TTC7A: variants seen among roughly 807,000 people sequenced by gnomAD.
TTC7A encodes the protein tetratricopeptide repeat domain 7A.
A neutral mutation model predicts 103.7 loss-of-function variants in TTC7A; 110 were observed. The observed-to-expected ratio is 1.06, with a 90% CI of 0.91 to 1.24. The LOEUF is 1.24. TTC7A is among the 50% of genes most tolerant of loss of function. TTC7A has a pLI of 0.00. For missense variants in TTC7A, 1,340 were observed against 1,116.3 expected (o/e 1.20, Z -2.86); for synonymous variants, 521 against 467.9 (o/e 1.11, Z -1.47).
chr2:47,056,956 A>G (rs780554950), intron 18 of TTC7A, among the ~76,000 whole-genome samples: 37 of 152,140 alleles, frequency 2.4e-4, no homozygotes, highest in Non-Finnish European at 4.4e-4. Context: ...TCGACAATGA[A>G]AATTCAAGGA....
intron 17 of TTC7A, 90 bp downstream of exon 17, chr2:47,050,136 C>T (rs1467808997): frequency 8.8e-6 from 10 of 1,138,612 alleles, no homozygotes; most frequent in Non-Finnish European, 1.2e-5. Flanking sequence ...GGGCCGGGCC[C>T]TCTCCCAGCC....
chr2:47,020,633 G>A (rs60879804), intron 11 of TTC7A, among the ~76,000 whole-genome samples: 2,908 of 152,368 alleles, frequency 0.019, 87 homozygotes, highest in African/African-American at 0.064. Flanking sequence ...TGGGCAGACA[G>A]CCTCTCCCGC....
chr2:47,029,459 C>CT, intron 15 of TTC7A, 75 bp downstream of exon 15: 1 of 1,519,512 alleles, frequency 6.6e-7, no homozygotes, highest in Non-Finnish European at 9.1e-7. Context: ...CACACCTGCC[C>CT]TGCCATGGTG....
chr2:47,051,733 T>C lies in TTC7A; in HGVS notation c.2018-13T>C. 1.2e-6 allele frequency: 2 copies of C among 1,606,968 alleles called. No individual in the cohort carries two copies. The highest frequency in any genetic ancestry group is 1.7e-6 in the Non-Finnish European group (2 of 1,177,042). On this transcript the variant is annotated splice_polypyrimidine_tract_variant and intron_variant, in intron 17 of 19. Transcript: ENST00000319190. ...TCTGACCACTGCTCGGCTCGTGCCC[T>C]CTTGCTCTGCAGGCTCCCGGCGGGC... is the stretch of plus-strand genomic sequence containing the variant.
chr2:47,038,856 A>T (rs1202871044), intron 15 of TTC7A, among the ~76,000 whole-genome samples: 1 of 151,688 alleles, frequency 6.6e-6, no homozygotes, highest in African/African-American at 2.4e-5. Context: ...AGCCCTTGTG[A>T]CTCAACTTTC....
intron 15 of TTC7A, among the ~76,000 whole-genome samples, chr2:47,045,974 TG>T (rs1453435639): frequency 6.6e-6 from 1 of 152,092 alleles, no homozygotes; most frequent in East Asian, 1.9e-4. Context: ...TAGTGGAGGA[TG>T]TGGGTAGGAA....
At chr2:47,062,204 TG>T (rs1262679663) in intron 19 of TTC7A, among the ~76,000 whole-genome samples, 12 of 152,334 alleles carry the variant, frequency 7.9e-5, no homozygotes, top group African/African-American at 2.9e-4. Flanking sequence ...GCCGAGAGAA[TG>T]CAACGTCATG....
rs201899823 is a variant in TTC7A, at chr2:47,048,877, A to G, written c.1920-1072A>G. On this transcript the variant is annotated intron_variant, in intron 16 of 19. Coordinates refer to ENST00000319190, the MANE Select transcript of TTC7A (RefSeq NM_020458.4). The stretch of plus-strand genomic sequence containing the variant: ...CTCAGCCTCCCAAAGTGCTGGGATT[A>G]TGGGCATGAGCCTCCATGCCTGGCC... 9.9e-5 allele frequency among the ~76,000 whole-genome samples: 15 copies of G among 152,254 alleles called. No individual in the cohort carries two copies. In the East Asian group the frequency reaches 2.5e-3, roughly 25 times the overall value.
chr2:46,950,158 G>A (rs1402286585), intron 1 of TTC7A, among the ~76,000 whole-genome samples: 1 of 152,172 alleles, frequency 6.6e-6, no homozygotes, highest in Non-Finnish European at 1.5e-5. Context: ...AATCCAAGGG[G>A]CAATTTGTAT....
At chr2:46,940,368 C>T (rs1670225080), upstream of TTC7A, among the ~76,000 whole-genome samples, 1 of 152,138 alleles carries the variant, frequency 6.6e-6, no homozygotes, top group South Asian at 2.1e-4. This position sits in a 1 kb window ranked among gnomAD's most constrained non-coding sequence, Gnocchi z 4.7. Flanking sequence ...TGTGGCTTCT[C>T]CAGCACTGGT....
intron 19 of TTC7A, among the ~76,000 whole-genome samples, chr2:47,066,392 G>A (rs901689209): frequency 3.4e-4 from 52 of 152,114 alleles, no homozygotes; most frequent in African/African-American, 1.2e-3. Context: ...CTCCCAAGGC[G>A]GGACCTGAGT....
chr2:46,975,862 G>A (rs1026836041), intron 4 of TTC7A, among the ~76,000 whole-genome samples: 5 of 151,824 alleles, frequency 3.3e-5, no homozygotes, highest in Admixed American at 2.6e-4. Context: ...TCAGCCTTTC[G>A]AGTAGCTGGG....
At chr2:46,965,243 A>G (rs1476864605) in intron 3 of TTC7A, among the ~76,000 whole-genome samples, 1 of 152,220 alleles carries the variant, frequency 6.6e-6, no homozygotes, top group African/African-American at 2.4e-5. Context: ...AACTTTTTAA[A>G]AAGAAAGAAC....
At chr2:46,952,115 G>A (rs905691956) in intron 2 of TTC7A, among the ~76,000 whole-genome samples, 10 of 152,118 alleles carry the variant, frequency 6.6e-5, no homozygotes, top group Admixed American at 2.6e-4. Flanking sequence ...TTGTAAGGGA[G>A]GGAAAGGCCA....
chr2:46,932,054 A>G (rs1460285959), intron 2 of TTC7A, among the ~76,000 whole-genome samples: 1 of 152,236 alleles, frequency 6.6e-6, no homozygotes, highest in Non-Finnish European at 1.5e-5. Context: ...TTCAATTTCA[A>G]TCATAATGTT....
intron 5 of TTC7A, among the ~76,000 whole-genome samples, chr2:46,979,207 G>A (rs1674184756): frequency 6.6e-6 from 1 of 152,196 alleles, no homozygotes; most frequent in Admixed American, 6.5e-5. Flanking sequence ...GGGCATCTGG[G>A]AGGTGATGTT....
chr2:47,056,128 C>T (rs1035235567), intron 18 of TTC7A, among the ~76,000 whole-genome samples: 1 of 152,326 alleles, frequency 6.6e-6, no homozygotes, highest in Middle Eastern at 3.4e-3. Context: ...CTGAGAACTC[C>T]CTGGAGACCT....
intron 2 of TTC7A, among the ~76,000 whole-genome samples, chr2:46,931,460 T>C (rs1381652511): frequency 2.6e-5 from 4 of 152,142 alleles, no homozygotes; most frequent in South Asian, 2.1e-4. Flanking sequence ...GGAGATTATC[T>C]TGGATGATCT....
chr2:47,014,266 G>C (rs559271073), intron 11 of TTC7A, among the ~76,000 whole-genome samples: 2 of 152,276 alleles, frequency 1.3e-5, no homozygotes, highest in East Asian at 3.9e-4. Flanking sequence ...TGCTATACTA[G>C]TAACTGACGA....
Sources: allele counts gnomAD v4.1 joint callset (sites outside exome capture counted in the v4.1 genomes callset), GRCh38; gene constraint gnomAD v4.1.1; non-coding constraint Gnocchi (gnomAD v3.1); transcripts MANE v1.5; gene names NCBI Gene and HGNC (gene_info 2026-07-23, HGNC 2026-07-21).